The following NHEJ1 variants were observed in gnomAD, a reference collection of about 807,000 sequenced individuals.
NHEJ1 encodes non-homologous end joining factor 1.
In NHEJ1, 22 loss-of-function variants were observed where a neutral mutation model predicts 39.4. The ratio of observed to expected loss-of-function variants is 0.56; its 90% CI spans 0.40 to 0.80. The LOEUF (loss-of-function observed/expected upper bound fraction) is 0.80, where lower values mean the gene tolerates loss of function less well. Ranked by LOEUF, NHEJ1 falls within the 30% of genes least tolerant of loss-of-function variation. The pLI, the probability that NHEJ1 is intolerant of heterozygous loss-of-function variation, is 0.00. For synonymous variants in NHEJ1, 154 were observed against 135.6 expected (o/e 1.14, Z -0.94); for missense variants, 329 against 357.1 (o/e 0.92, Z 0.63).
At chr2:219,088,328 G>A (rs1299133307) in intron 5 of NHEJ1, among the ~76,000 whole-genome samples, 1 of 152,042 alleles carries the variant, frequency 6.6e-6, no homozygotes, top group African/African-American at 2.4e-5. Flanking sequence ...CAACATAGAT[G>A]AATTTCATTA....
intron 5 of NHEJ1, among the ~76,000 whole-genome samples, chr2:219,138,364 TCAAA>T (rs1428142122): frequency 6.6e-6 from 1 of 152,204 alleles, no homozygotes; most frequent in Non-Finnish European, 1.5e-5. Flanking sequence ...AACATAAATG[TCAAA>T]CAAATAAGGC....
chr2:219,121,281 C>A (rs1038196259), intron 5 of NHEJ1, among the ~76,000 whole-genome samples: 1 of 151,860 alleles, frequency 6.6e-6, no homozygotes, highest in East Asian at 1.9e-4. Context: ...GGTAAAAATT[C>A]TCTCTACTTC....
At chr2:219,131,961 G>A (rs1949582933) in intron 5 of NHEJ1, among the ~76,000 whole-genome samples, 1 of 152,232 alleles carries the variant, frequency 6.6e-6, no homozygotes, top group Non-Finnish European at 1.5e-5. Flanking sequence ...TGGACCGGAA[G>A]GTCAGAGTCC....
chr2:219,092,503 A>C (rs943810031), intron 5 of NHEJ1, among the ~76,000 whole-genome samples: 6 of 152,242 alleles, frequency 3.9e-5, no homozygotes, highest in African/African-American at 9.6e-5. Flanking sequence ...GTATAAAATG[A>C]TACGAAAGTA....
At chr2:219,155,165 A>C (rs1031616945) in intron 3 of NHEJ1, among the ~76,000 whole-genome samples, 2 of 151,600 alleles carry the variant, frequency 1.3e-5, no homozygotes, top group African/African-American at 4.8e-5. Flanking sequence ...GAGATTAGCT[A>C]TTGCTAGGGA....
chr2:219,074,219 T>C lies in NHEJ1; in HGVS notation c.*2162A>G, dbSNP rs1338814887. On this transcript the variant is annotated 3_prime_UTR_variant, in exon 8 of 8. Transcript: ENST00000356853. ...ACCTTTTTAGAAAGTCACACATTCT[T>C]TTTGAGAACATCAACAAAATTTTGC... Among the ~76,000 whole-genome samples, 1 of 152,202 alleles carries C rather than the reference T, an allele frequency of 6.6e-6. No homozygotes were observed. Among genetic ancestry groups the C allele is most frequent in the Non-Finnish European group, 1.5e-5 (1 of 68,024 alleles).
In NHEJ1 at chr2:219,159,513, T is replaced by TTATATATATATATGCA. The variant is rs34180222; in HGVS notation, c.1-1152_1-1151insTGCATATATATATATA. On this transcript the variant is annotated intron_variant, in intron 1 of 7. Coordinates refer to ENST00000356853, the MANE Select transcript of NHEJ1 (RefSeq NM_024782.3). ...TGCCCTTGTGACTTGTGACATAACTTTATATATATATGCATATATATATGC... is the reference window on the plus strand; with the variant it reads ...TGCCCTTGTGACTTGTGACATAACTTTATATATATATATGCATATATATATATGCATATATATATGC... Among the ~76,000 whole-genome samples the TTATATATATATATGCA allele has an allele frequency of 6.3e-4, 57 of 90,114 alleles. 7 individuals are homozygous for TTATATATATATATGCA. Among genetic ancestry groups the TTATATATATATATGCA allele is most frequent in the African/African-American group, 1.8e-3 (42 of 22,896 alleles). The allele number at this position is 90,114 out of a possible 152,430, so 59.1% of individuals were successfully genotyped here.
Position 219,157,690 on chromosome 2 carries a change from GAGAGAGC to G in NHEJ1, c.178-13_178-7del. On this transcript the variant is annotated splice_polypyrimidine_tract_variant and splice_region_variant and intron_variant, in intron 2 of 7. Coordinates refer to ENST00000356853, the MANE Select transcript of NHEJ1 (RefSeq NM_024782.3). Reference sequence around the variant, plus strand: ...GTGAGCCGCTTGTTCAGCTCCTAAAGAGAGAGCAGTGGTACAGAGTAAGGGTGCTAAA... The same window carrying G: ...GTGAGCCGCTTGTTCAGCTCCTAAAGAGTGGTACAGAGTAAGGGTGCTAAA... 9 of 1,611,234 alleles carry G rather than the reference GAGAGAGC, an allele frequency of 5.6e-6. No homozygotes were observed. The highest frequency in any genetic ancestry group is 6.8e-6 in the Non-Finnish European group (8 of 1,178,318).
intron 5 of NHEJ1, among the ~76,000 whole-genome samples, chr2:219,084,953 G>C (rs1949098591): frequency 6.6e-6 from 1 of 152,202 alleles, no homozygotes; most frequent in African/African-American, 2.4e-5. Context: ...ATTCTGCACA[G>C]CCCAACTGAT....
intron 5 of NHEJ1, among the ~76,000 whole-genome samples, chr2:219,116,359 T>C (rs1444082339): frequency 6.6e-6 from 1 of 150,590 alleles, no homozygotes; most frequent in Non-Finnish European, 1.5e-5. Context: ...ACTCTTAGGA[T>C]TTTTTTTTTC....
intron 3 of NHEJ1, among the ~76,000 whole-genome samples, chr2:219,156,257 T>TAAATA (rs1465504489): frequency 1.3e-5 from 2 of 151,782 alleles, no homozygotes; most frequent in Non-Finnish European, 2.9e-5. Flanking sequence ...TCAAAAAAAA[T>TAAATA]AAATAAAATA....
At chr2:219,101,174 G>C (rs527566524) in intron 5 of NHEJ1, among the ~76,000 whole-genome samples, 6 of 152,230 alleles carry the variant, frequency 3.9e-5, no homozygotes, top group Non-Finnish European at 7.4e-5. Flanking sequence ...GAGTGCAGTG[G>C]TACCATCTTG....
At chr2:219,138,845 G>A (rs1216256624) in intron 5 of NHEJ1, among the ~76,000 whole-genome samples, 2 of 152,174 alleles carry the variant, frequency 1.3e-5, no homozygotes, top group African/African-American at 4.8e-5. Flanking sequence ...TTTGAAAAAA[G>A]ACATTGTTGT....
At chr2:219,087,159 G>GGAACAAGC (rs1949119432) in intron 5 of NHEJ1, among the ~76,000 whole-genome samples, 2 of 152,260 alleles carry the variant, frequency 1.3e-5, no homozygotes, top group African/African-American at 4.8e-5. Flanking sequence ...GCCTAGCAGG[G>GGAACAAGC]GAACAAGCAG....
At chr2:219,154,902 C>G (rs1949836544) in intron 3 of NHEJ1, among the ~76,000 whole-genome samples, 1 of 143,938 alleles carries the variant, frequency 6.9e-6, no homozygotes, top group African/African-American at 2.5e-5. Context: ...TATATTATAC[C>G]ATTACATATT....
Position 219,070,885 on chromosome 2 carries a change from C to T in NHEJ1, c.*5496G>A, listed in dbSNP as rs986350770. Among the ~76,000 whole-genome samples, 1 of 152,140 alleles carries T rather than the reference C, an allele frequency of 6.6e-6. No homozygotes were observed. The highest frequency in any genetic ancestry group is 1.5e-5 in the Non-Finnish European group (1 of 68,022). ...GTATCACCTTCAAATGTCATCACAC[C>T]GTTATTAGTATTGCTGTTATCTATG... is the stretch of plus-strand genomic sequence containing the variant. On this transcript the variant is annotated 3_prime_UTR_variant, in exon 8 of 8. Coordinates refer to ENST00000356853, the MANE Select transcript of NHEJ1 (RefSeq NM_024782.3).
chr2:219,134,706 T>C (rs958697547), intron 5 of NHEJ1, among the ~76,000 whole-genome samples: 1 of 152,220 alleles, frequency 6.6e-6, no homozygotes, highest in Non-Finnish European at 1.5e-5. Flanking sequence ...TTTCAACTCT[T>C]TCCTAGGCAT....
intron 5 of NHEJ1, among the ~76,000 whole-genome samples, chr2:219,084,299 GC>G (rs1273912595): frequency 6.6e-6 from 1 of 152,168 alleles, no homozygotes; most frequent in Non-Finnish European, 1.5e-5. Context: ...GAGCCACCAC[GC>G]TTGGTTCTGC....
chr2:219,118,673 G>T (rs142717078), intron 5 of NHEJ1, among the ~76,000 whole-genome samples: 12 of 152,282 alleles, frequency 7.9e-5, no homozygotes, highest in African/African-American at 2.2e-4. Context: ...GATATATATA[G>T]AACCAGGAAC....
Sources: gnomAD v4.1 joint callset for allele counts (sites outside exome capture counted in the v4.1 genomes callset) on GRCh38, gnomAD v4.1.1 for gene constraint, MANE v1.5 for transcripts, NCBI Gene and HGNC (gene_info 2026-07-23, HGNC 2026-07-21) for gene names.